Variants in OR1S1 observed in about 807,000 individuals in gnomAD.
OR1S1 encodes olfactory receptor family 1 subfamily S member 1.
For missense variants in OR1S1, 411 were observed against 367.5 expected (o/e 1.12, Z -0.97); for synonymous variants, 156 against 143.9 (o/e 1.08, Z -0.60).
chr11:58,213,190 G>A (rs375992067), intron 1 of OR1S1, among the ~76,000 whole-genome samples: 1 of 152,216 alleles, frequency 6.6e-6, no homozygotes, highest in African/African-American at 2.4e-5. Flanking sequence ...GATAAGTGAT[G>A]TTGGAGATAG....
At chr11:58,215,470 T>G in exon 2 of OR1S1, 4 of 1,614,132 alleles carry the variant, frequency 2.5e-6, no homozygotes, top group Non-Finnish European at 3.4e-6. Context: ...TGAGAGTATC[T>G]TCCACACAGG....
At chr11:58,214,936 G>T in exon 2 of OR1S1, 4 of 1,614,056 alleles carry the variant, frequency 2.5e-6, no homozygotes, top group Non-Finnish European at 3.4e-6. Context: ...CTATCAGCTT[G>T]GATACGTACC....
exon 2 of OR1S1, chr11:58,215,234 C>T (rs1565108665): frequency 1.9e-6 from 3 of 1,614,050 alleles, no homozygotes; most frequent in Non-Finnish European, 2.5e-6. Flanking sequence ...CTCATGGTTC[C>T]TCAGTAATAT....
At chr11:58,215,964 G>A in exon 2 of OR1S1, 1 of 491,124 alleles carries the variant, frequency 2.0e-6, no homozygotes, top group Non-Finnish European at 3.6e-6. Context: ...TGGTTACCAG[G>A]GCCCAGGGGT....
At position 58,212,921 on chromosome 11, in the gene OR1S1, C is replaced by CTGCTTGAAAA; in HGVS notation, c.-56+84_-56+85insTGCTTGAAAA. 4 of 152,364 alleles carry CTGCTTGAAAA rather than the reference C, an allele frequency of 2.6e-5. 2 individuals carry two copies. The South Asian group carries it at 8.3e-4, about 32-fold the overall frequency. 9.4% of individuals were successfully genotyped at this position (152,364 alleles called of 1,614,324 possible). The stretch of plus-strand genomic sequence containing the variant: ...GTTCCCTCTCTAGTCAAGCCCAAAC[C>CTGCTTGAAAA]AGCCCAGGCCTTGGTAACCACAGGC... On this transcript the variant is annotated intron_variant, in intron 1 of 1. Transcript: ENST00000641544.
chr11:58,215,498 T>C, exon 2 of OR1S1: 6 of 1,614,164 alleles, frequency 3.7e-6, no homozygotes, highest in Non-Finnish European at 5.1e-6. Flanking sequence ...GAAAGCCTTC[T>C]CCACTTGTGG....
At chr11:58,214,680 T>C (rs1852895855) in intron 1 of OR1S1, 49 bp from the exon 2 acceptor site, 1 of 1,430,314 alleles carries the variant, frequency 7.0e-7, no homozygotes. Context: ...GAAGAAACTT[T>C]ATTCAAGTGA....
exon 2 of OR1S1, chr11:58,215,452 A>G (rs1404570768): frequency 1.2e-6 from 2 of 1,614,118 alleles, no homozygotes; most frequent in African/African-American, 1.3e-5. Context: ...GCATCATCAG[A>G]GCTGTCCTGA....
chr11:58,214,183 AC>A (rs1391780671), intron 1 of OR1S1, among the ~76,000 whole-genome samples: 4 of 152,196 alleles, frequency 2.6e-5, no homozygotes, highest in African/African-American at 9.7e-5. Flanking sequence ...ATATGTAGCC[AC>A]AGATGAAGTA....
rs146277899 is a variant in OR1S1 at position 58,213,655 on chromosome 11, G to A, written c.-56+818G>A. 1.2e-4 allele frequency among the ~76,000 whole-genome samples: 18 copies of A among 152,326 alleles called. 1 individual carries two copies. The highest frequency in any genetic ancestry group is 2.6e-4 in the African/African-American group (11 of 41,574). ...TTTATCAGGTCAAGGAGGAAGAACA[G>A]GAGTGGGAAAAAAGGCAAAAGTGTT... On this transcript the variant is annotated intron_variant, in intron 1 of 1. Coordinates refer to ENST00000641544, the Ensembl canonical transcript of OR1S1.
At chr11:58,215,466 T>C (rs148148724) in exon 2 of OR1S1, 3 of 1,614,012 alleles carry the variant, frequency 1.9e-6, no homozygotes, top group African/African-American at 1.3e-5. Flanking sequence ...GTCCTGAGAG[T>C]ATCTTCCACA....
exon 2 of OR1S1, chr11:58,215,871 A>G (rs1852933949): frequency 1.0e-6 from 1 of 964,874 alleles, no homozygotes. Context: ...GAGCTTTTCC[A>G]CTTAGCTCTT....
rs1178037535 is a variant in OR1S1 at position 58,214,854 on chromosome 11, A to C, written c.71A>C (p.Gln24Pro). 13 of 1,613,986 alleles carry C rather than the reference A, an allele frequency of 8.1e-6. No homozygotes were observed. Among genetic ancestry groups the C allele is most frequent in the African/African-American group, 2.7e-5 (2 of 74,920 alleles). ...GGATTTTTCAAGCAGGATGAGCATC[A>C]AAACCTCCTCTTTGTGCTTTTCTTG... The change falls in exon 2 of 2, where the codon CAA becomes CCA. Residue 24 changes from glutamine (Q) to proline (P), a missense_variant. Gln to Pro is a moderately conservative substitution (Grantham distance 76). Coordinates refer to ENST00000641544, the Ensembl canonical transcript of OR1S1.
exon 2 of OR1S1, chr11:58,215,149 C>T (rs2120065634): frequency 1.9e-6 from 3 of 1,614,152 alleles, no homozygotes; most frequent in African/African-American, 1.3e-5. Flanking sequence ...CCTATGACCA[C>T]TTTGTGGCGA....
At chr11:58,215,413 C>G in exon 2 of OR1S1, 1 of 1,614,084 alleles carries the variant, frequency 6.2e-7, no homozygotes, top group Non-Finnish European at 8.5e-7. Context: ...TCATCTTCCC[C>G]TTTACACTCA....
chr11:58,215,603 G>T lies in OR1S1; in HGVS notation c.820G>T (p.Gly274Cys), dbSNP rs185236093. The change falls in exon 2 of 2, where the codon GGT (glycine) becomes TGT (cysteine). Residue 274 changes from glycine to cysteine, a missense_variant. Gly to Cys is a radical substitution (Grantham distance 159). Transcript: ENST00000641544. The stretch of plus-strand genomic sequence containing the variant: ...TCACCCTGAGGACACTGATAAGATT[G>T]GTGCTGTCCTATTCACTGTGGTGAC... The T allele has an allele frequency of 2.0e-4, 323 of 1,614,016 alleles. 3 individuals are homozygous for T. The East Asian group carries it at 7.1e-3, about 36-fold the overall frequency.
At chr11:58,213,569 C>A (rs776589460) in intron 1 of OR1S1, among the ~76,000 whole-genome samples, 9 of 152,140 alleles carry the variant, frequency 5.9e-5, no homozygotes, top group Non-Finnish European at 1.2e-4. Context: ...TCCCACAAAC[C>A]CGTTGTTGTT....
exon 2 of OR1S1, chr11:58,215,310 A>G: frequency 5.6e-6 from 9 of 1,613,060 alleles, no homozygotes; most frequent in Non-Finnish European, 6.8e-6. Context: ...ACTCTCCCAC[A>G]CTTCTTCTGT....
intron 1 of OR1S1, among the ~76,000 whole-genome samples, chr11:58,213,471 C>G (rs533650736): frequency 8.5e-5 from 13 of 152,196 alleles, no homozygotes; most frequent in African/African-American, 3.1e-4. Flanking sequence ...CATGGGTCCT[C>G]CCTTGTGAGC....
Sources: gnomAD v4.1 joint callset for allele counts (sites outside exome capture counted in the v4.1 genomes callset) on GRCh38, gnomAD v4.1.1 for gene constraint, MANE v1.5 for transcripts, NCBI Gene and HGNC (gene_info 2026-07-23, HGNC 2026-07-21) for gene names.